SOX5: variants seen among roughly 807,000 people sequenced by gnomAD.
SOX5 encodes SRY-box transcription factor 5, also known as transcription factor SOX-5.
Under a neutral mutation model 92.0 loss-of-function variants are expected in SOX5, and 9 were observed. That is an observed-to-expected ratio of 0.10 (90% CI 0.06 to 0.17). The LOEUF (loss-of-function observed/expected upper bound fraction) is 0.17. Among genes scored for constraint, SOX5 ranks in the 10% least tolerant of loss-of-function variants. The pLI is 1.00. For synonymous variants in SOX5, 344 were observed against 336.3 expected (o/e 1.02, Z -0.25); for missense variants, 642 against 944.5 (o/e 0.68, Z 4.20).
At chr12:24,381,238 C>T (rs957585457) in intron 1 of SOX5, among the ~76,000 whole-genome samples, 10 of 152,204 alleles carry the variant, frequency 6.6e-5, no homozygotes, top group Non-Finnish European at 1.5e-4. Context: ...CATTCTGTTT[C>T]ATAAAGAGGA....
intron 4 of SOX5, among the ~76,000 whole-genome samples, chr12:24,159,296 A>G (rs1293002116): frequency 6.6e-6 from 1 of 151,970 alleles, no homozygotes; most frequent in South Asian, 2.1e-4. Flanking sequence ...AAGTAAAACA[A>G]GGTCCCTGCT....
intron 1 of SOX5, among the ~76,000 whole-genome samples, chr12:24,456,292 T>C (rs1368380630): frequency 6.6e-6 from 1 of 152,226 alleles, no homozygotes; most frequent in Non-Finnish European, 1.5e-5. Context: ...GGTGTTCCTT[T>C]ATTAGAAATG....
At chr12:24,043,585 T>TA (rs1223323116) in intron 4 of SOX5, among the ~76,000 whole-genome samples, 5 of 152,344 alleles carry the variant, frequency 3.3e-5, no homozygotes, top group Non-Finnish European at 5.9e-5. Context: ...GAAATTAAGG[T>TA]AAGGGTCCCC....
intron 1 of SOX5, among the ~76,000 whole-genome samples, chr12:23,926,954 C>T (rs546926237): frequency 1.3e-5 from 2 of 151,920 alleles, no homozygotes; most frequent in African/African-American, 2.4e-5. Flanking sequence ...TTGTTGTATG[C>T]CAGAAAGGAC....
At chr12:24,507,715 G>T (rs1597417654) in intron 1 of SOX5, among the ~76,000 whole-genome samples, 2 of 152,066 alleles carry the variant, frequency 1.3e-5, no homozygotes, top group African/African-American at 4.8e-5. Flanking sequence ...CCATATTTTT[G>T]AAGACACCTA....
chr12:24,069,894 A>G (rs1941488098), intron 4 of SOX5, among the ~76,000 whole-genome samples: 1 of 152,156 alleles, frequency 6.6e-6, no homozygotes, highest in Non-Finnish European at 1.5e-5. Context: ...ATCTACAGCT[A>G]CTACACAAAT....
rs143113699 is a variant in SOX5 at position 24,111,102 on chromosome 12, C to A, written c.-2+102241G>T. On this transcript the variant is annotated intron_variant, in intron 4 of 4. Transcript: ENST00000446891. ...CTCTGGCCTCTCTACACACTAGATG[C>A]CAATAGCATCCCCCAACTGGGAAAA... 5.2e-3 allele frequency among the ~76,000 whole-genome samples: 787 copies of A among 151,968 alleles called. 13 individuals are homozygous for A. The highest frequency in any genetic ancestry group is 0.018 in the African/African-American group (734 of 41,430).
chr12:24,168,737 AAAG>A (rs1953714260), intron 4 of SOX5, among the ~76,000 whole-genome samples: 2 of 152,212 alleles, frequency 1.3e-5, no homozygotes, highest in Non-Finnish European at 2.9e-5. Context: ...AGTAAGTATA[AAAG>A]AAGCCCCATC....
At chr12:23,741,117 T>A in intron 4 of SOX5, 78 bp from the exon 5 acceptor site, 1 of 1,038,858 alleles carries the variant, frequency 9.6e-7, no homozygotes, top group Admixed American at 3.2e-5. Context: ...CTCTGTTGTA[T>A]ACAGAGCCAG....
chr12:24,043,081 G>A (rs751947287), intron 4 of SOX5, among the ~76,000 whole-genome samples: 7 of 152,136 alleles, frequency 4.6e-5, no homozygotes, highest in Non-Finnish European at 8.8e-5. Context: ...AGCCAATTTT[G>A]AGGTTCATAT....
intron 9 of SOX5, among the ~76,000 whole-genome samples, chr12:23,587,259 A>G (rs1443931232): frequency 2.6e-5 from 4 of 151,992 alleles, no homozygotes; most frequent in Admixed American, 2.0e-4. Flanking sequence ...ATCTCCATAT[A>G]TTTTATTTTA....
intron 1 of SOX5, among the ~76,000 whole-genome samples, chr12:24,510,515 G>A (rs569830117): frequency 6.6e-6 from 1 of 152,266 alleles, no homozygotes; most frequent in African/African-American, 2.4e-5. Flanking sequence ...GGCAAGAAGA[G>A]AATAACCAGA....
At chr12:24,193,688 T>C (rs1165719897) in intron 4 of SOX5, among the ~76,000 whole-genome samples, 1 of 152,244 alleles carries the variant, frequency 6.6e-6, no homozygotes, top group Non-Finnish European at 1.5e-5. Flanking sequence ...GTTTAATCTA[T>C]GTATGCCCAC....
intron 3 of SOX5, among the ~76,000 whole-genome samples, chr12:23,759,812 T>C (rs1206010862): frequency 6.6e-6 from 1 of 152,120 alleles, no homozygotes; most frequent in African/African-American, 2.4e-5. Flanking sequence ...AATTATCTAT[T>C]AAATATTTAA....
At chr12:24,480,849 T>C (rs1357613468) in intron 1 of SOX5, among the ~76,000 whole-genome samples, 2 of 151,482 alleles carry the variant, frequency 1.3e-5, no homozygotes, top group East Asian at 3.9e-4. Context: ...CTGTTTGGAG[T>C]TTCCTCAAAA....
chr12:23,838,126 C>T (rs12320767), intron 3 of SOX5, among the ~76,000 whole-genome samples: 1 of 136,756 alleles, frequency 7.3e-6, no homozygotes, highest in Non-Finnish European at 1.5e-5. Context: ...ATTTATACAA[C>T]ATATATTTAT....
At chr12:24,544,043 A>T (rs1462739669) in intron 1 of SOX5, among the ~76,000 whole-genome samples, 1 of 152,220 alleles carries the variant, frequency 6.6e-6, no homozygotes, top group East Asian at 1.9e-4. Flanking sequence ...AAAAGTAATA[A>T]TAATGCTACC....
chr12:23,622,557 G>C (rs2077308475), intron 8 of SOX5, among the ~76,000 whole-genome samples: 1 of 152,016 alleles, frequency 6.6e-6, no homozygotes, highest in South Asian at 2.1e-4. Context: ...AAATCCATCA[G>C]ATGTGAAGTG....
chr12:24,510,963 A>G (rs919104722), intron 1 of SOX5, among the ~76,000 whole-genome samples: 3 of 152,224 alleles, frequency 2.0e-5, no homozygotes, highest in Non-Finnish European at 4.4e-5. Context: ...TCACAGTCAC[A>G]CAAATCTCAG....
Sources: gnomAD v4.1 joint callset for allele counts (sites outside exome capture counted in the v4.1 genomes callset) on GRCh38, gnomAD v4.1.1 for gene constraint, MANE v1.5 for transcripts, NCBI Gene and HGNC (gene_info 2026-07-23, HGNC 2026-07-21) for gene names.